RIN3: variants seen among roughly 807,000 people sequenced by gnomAD.
The protein encoded by RIN3 is RAB5 interacting protein 3.
Under a neutral mutation model 76.3 loss-of-function variants are expected in RIN3, and 54 were observed. The ratio of observed to expected loss-of-function variants is 0.71; its 90% confidence interval spans 0.57 to 0.89. The LOEUF (loss-of-function observed/expected upper bound fraction) is 0.89. Ranked by LOEUF, RIN3 falls within the 40% of genes least tolerant of loss-of-function variation. The probability of loss-of-function intolerance (pLI) is 0.00; values close to 1 mark genes in which losing one functional copy is unlikely to be tolerated. For missense variants in RIN3, 1,256 were observed against 1,322.1 expected, an observed-to-expected ratio of 0.95 and a Z score of 0.78; for synonymous variants, 576 against 564.0, an observed-to-expected ratio of 1.02 and a Z score of -0.30.
intron 7 of RIN3, among the ~76,000 whole-genome samples, chr14:92,674,905 A>AAAG (rs1888408327): frequency 2.0e-5 from 3 of 150,128 alleles, no homozygotes; most frequent in East Asian, 3.9e-4. Context: ...AAAAAAAAAA[A>AAAG]GGGAAAAGAA....
rs1418975298 is a variant in RIN3 at position 92,635,721 on chromosome 14, T to C, written c.441-5517T>C. On this transcript the variant is annotated intron_variant, in intron 4 of 9. Transcript: ENST00000216487. ...TACAAAAATCAGCTGGGCATGGTGGTGCACACCTGTAGTCCCAGCTACTCG... is the reference window on the plus strand; with the variant it reads ...TACAAAAATCAGCTGGGCATGGTGGCGCACACCTGTAGTCCCAGCTACTCG... Among the ~76,000 whole-genome samples, 3 of 151,724 alleles carry C rather than the reference T, an allele frequency of 2.0e-5. No individual in the cohort carries two copies. The East Asian group carries it at 5.8e-4, about 29-fold the overall frequency.
intron 7 of RIN3, among the ~76,000 whole-genome samples, chr14:92,661,535 C>G (rs968712540): frequency 6.6e-6 from 1 of 152,056 alleles, no homozygotes; most frequent in Non-Finnish European, 1.5e-5. Context: ...ACCAGCCTGG[C>G]CAACATGGTG....
chr14:92,526,277 G>A (rs1896728163), intron 1 of RIN3, among the ~76,000 whole-genome samples: 1 of 152,030 alleles, frequency 6.6e-6, no homozygotes, highest in Non-Finnish European at 1.5e-5. Flanking sequence ...GCAACATGGC[G>A]AAACCCCGTC....
intron 3 of RIN3, among the ~76,000 whole-genome samples, chr14:92,591,123 GC>G (rs1374904135): frequency 6.6e-6 from 1 of 152,180 alleles, no homozygotes; most frequent in Non-Finnish European, 1.5e-5. Context: ...GGGAATGTAA[GC>G]GGAGAGATGG....
At chr14:92,547,545 C>G (rs1176782813) in intron 1 of RIN3, among the ~76,000 whole-genome samples, 1 of 151,394 alleles carries the variant, frequency 6.6e-6, no homozygotes, top group Non-Finnish European at 1.5e-5. Context: ...TAGGTGCACA[C>G]CACTGTGCCC....
intron 3 of RIN3, among the ~76,000 whole-genome samples, chr14:92,597,829 T>C (rs1566860702): frequency 6.6e-6 from 1 of 152,212 alleles, no homozygotes; most frequent in Non-Finnish European, 1.5e-5. Context: ...TACTGAGTTA[T>C]GACGCAAAAT....
intron 1 of RIN3, among the ~76,000 whole-genome samples, chr14:92,527,335 A>G (rs1472779808): frequency 6.6e-6 from 1 of 152,154 alleles, no homozygotes; most frequent in African/African-American, 2.4e-5. Flanking sequence ...TACAGGCGTG[A>G]GCCACTGCAC....
intron 3 of RIN3, among the ~76,000 whole-genome samples, chr14:92,583,453 C>T (rs1884632444): frequency 3.9e-5 from 6 of 152,266 alleles, no homozygotes; most frequent in Admixed American, 3.9e-4. Flanking sequence ...GTTGCTTGCA[C>T]ACACATGGGT....
At chr14:92,561,019 CT>C (rs1457585135) in intron 2 of RIN3, among the ~76,000 whole-genome samples, 4 of 13,064 alleles carry the variant, frequency 3.1e-4, no homozygotes, top group South Asian at 3.1e-3. Context: ...GAAACTCTGT[CT>C]AAAAAAAAAA....
intron 2 of RIN3, among the ~76,000 whole-genome samples, chr14:92,567,253 C>T (rs898646838): frequency 2.0e-5 from 3 of 152,196 alleles, no homozygotes; most frequent in Non-Finnish European, 4.4e-5. Flanking sequence ...GTCCGTATAC[C>T]TCATGGCTAT....
intron 4 of RIN3, chr14:92,615,817 G>A (rs1885937089): frequency 3.7e-6 from 1 of 270,054 alleles, no homozygotes; most frequent in Non-Finnish European, 7.1e-6. Flanking sequence ...TCCTGTAGGG[G>A]CAGCAACAGG....
chr14:92,614,585 C>T (rs549754966), intron 3 of RIN3, among the ~76,000 whole-genome samples: 1 of 152,038 alleles, frequency 6.6e-6, no homozygotes, highest in African/African-American at 2.4e-5. Flanking sequence ...GTGGGAGGGA[C>T]CTGGTGGGAG....
intron 7 of RIN3, among the ~76,000 whole-genome samples, chr14:92,668,240 T>C (rs1888177256): frequency 6.6e-6 from 1 of 152,176 alleles, no homozygotes. Context: ...CCCGGGTCCT[T>C]TGCTGAAACC....
chr14:92,615,574 G>T, intron 4 of RIN3, 95 bp downstream of exon 4: 1 of 1,045,908 alleles, frequency 9.6e-7, no homozygotes, highest in South Asian at 1.3e-5. Context: ...GGAAGCCCCA[G>T]AGGGAGGGGT....
At position 92,604,971 on chromosome 14, in the gene RIN3, C is replaced by T. The variant is rs541994983; in HGVS notation, c.368-10436C>T. On this transcript the variant is annotated intron_variant, in intron 3 of 9. Coordinates refer to ENST00000216487, the MANE Select transcript of RIN3 (RefSeq NM_024832.5). Reference sequence around the variant, plus strand: ...ATGGAGGGAGTCTCCCTCTGTCACGCAGGCTGGACCTCATTGCAACTTCCA... The same window carrying T: ...ATGGAGGGAGTCTCCCTCTGTCACGTAGGCTGGACCTCATTGCAACTTCCA... 8.1e-5 allele frequency among the ~76,000 whole-genome samples: 11 copies of T among 135,430 alleles called. No homozygotes were observed. The East Asian group carries it at 2.0e-3, about 24-fold the overall frequency. The allele number at this position is 135,430 out of a possible 152,430, so 88.8% of individuals were successfully genotyped here.
rs1191445014 is a variant in RIN3 at position 92,568,086 on chromosome 14, GC to G, written c.250-9273del. The stretch of plus-strand genomic sequence containing the variant: ...GTAACTTGCCCACGGCTGGTGAGGG[GC>G]AGAGGTAGTATTTGTGTTTCACTGT... On this transcript the variant is annotated intron_variant, in intron 2 of 9. Transcript: ENST00000216487. This position sits in a 1 kb window ranked among gnomAD's most constrained non-coding sequence, Gnocchi z 4.2. Among the ~76,000 whole-genome samples, 2 of 152,152 alleles carry G rather than the reference GC, an allele frequency of 1.3e-5. No individual in the cohort carries two copies. The highest frequency in any genetic ancestry group is 2.9e-5 in the Non-Finnish European group (2 of 68,018).
At chr14:92,528,778 AG>A (rs1322513243) in intron 1 of RIN3, among the ~76,000 whole-genome samples, 1 of 152,206 alleles carries the variant, frequency 6.6e-6, no homozygotes, top group African/African-American at 2.4e-5. Context: ...ACTTCGCAGC[AG>A]GCATGAAAAT....
At position 92,549,321 on chromosome 14, in the gene RIN3, C is replaced by T. The variant is rs58286930; in HGVS notation, c.45-6430C>T. Among the ~76,000 whole-genome samples the T allele has an allele frequency of 0.016, 2,477 of 152,254 alleles. 97 individuals are homozygous for T. In the East Asian group the frequency reaches 0.17, roughly 11 times the overall value. On this transcript the variant is annotated intron_variant, in intron 1 of 9. Coordinates refer to ENST00000216487, the MANE Select transcript of RIN3 (RefSeq NM_024832.5). ...TGGCCAAGTCTATACAGGAAGGCCTCGGTTCCCACCGTGAGGCTGCATTGG... is the reference window on the plus strand; with the variant it reads ...TGGCCAAGTCTATACAGGAAGGCCTTGGTTCCCACCGTGAGGCTGCATTGG...
rs1887291970 is a variant in RIN3 at position 92,648,743 on chromosome 14, A to C, written c.533-2839A>C. ...GGTGGGAAAGTCAGGCAAAAAACAG[A>C]GAATTACAGTCCCAGTGATGGTCAC... is the stretch of plus-strand genomic sequence containing the variant. On this transcript the variant is annotated intron_variant, in intron 5 of 9. Transcript: ENST00000216487. The surrounding 1 kb of genome is among the most constrained non-coding windows in gnomAD (Gnocchi z 4.1). Among the ~76,000 whole-genome samples, 1 of 152,100 alleles carries C rather than the reference A, an allele frequency of 6.6e-6. No homozygotes were observed. The highest frequency in any genetic ancestry group is 2.4e-5 in the African/African-American group (1 of 41,356).
Sources: allele counts gnomAD v4.1 joint callset (sites outside exome capture counted in the v4.1 genomes callset), GRCh38; gene constraint gnomAD v4.1.1; non-coding constraint Gnocchi (gnomAD v3.1); transcripts MANE v1.5; gene names NCBI Gene and HGNC (gene_info 2026-07-23, HGNC 2026-07-21).